Variants in CORIN observed in about 807,000 individuals in gnomAD.
The protein encoded by CORIN is atrial natriuretic peptide-converting enzyme.
Under a neutral mutation model 125.3 loss-of-function variants are expected in CORIN, and 117 were observed. That is an observed-to-expected ratio of 0.93 (90% confidence interval 0.80 to 1.09). The LOEUF is 1.09. Among genes scored for constraint, CORIN ranks in the 50% least tolerant of loss-of-function variants. The probability of loss-of-function intolerance (pLI) is 0.00; values close to 1 mark genes in which losing one functional copy is unlikely to be tolerated. For synonymous variants in CORIN, 450 were observed against 466.4 expected (o/e 0.96, Z 0.45); for missense variants, 1,253 against 1,306.7 (o/e 0.96, Z 0.63).
At chr4:47,702,810 C>A (rs1237720466) in intron 5 of CORIN, among the ~76,000 whole-genome samples, 3 of 152,180 alleles carry the variant, frequency 2.0e-5, no homozygotes, top group Non-Finnish European at 1.5e-5. Context: ...ACCCTAATGT[C>A]TAAAAATTCA....
chr4:47,595,464 G>T lies in CORIN; in HGVS notation c.*257C>A, dbSNP rs946594565. The T allele has an allele frequency of 3.5e-5, 9 of 256,284 alleles. No individual in the cohort carries two copies. The highest frequency in any genetic ancestry group is 5.2e-5 in the Non-Finnish European group (7 of 134,852). The allele number at this position is 256,284 out of a possible 1,614,324, so 15.9% of individuals were successfully genotyped here. A position where few individuals can be genotyped will look rare whatever the true frequency, so the allele number is the denominator to read the frequency against. On this transcript the variant is annotated 3_prime_UTR_variant, in exon 22 of 22. Coordinates refer to ENST00000273857, the MANE Select transcript of CORIN (RefSeq NM_006587.4). ...TAATTTTGTGCTGCAGTCATGGTTA[G>T]GCCTGGCAAAAGGACAAAGTCTGCT... is the stretch of plus-strand genomic sequence containing the variant.
chr4:47,665,269 A>G lies in CORIN; in HGVS notation c.1358-6T>C. ...TGTAATTGGTTCACATTGACCTAAC[A>G]AAGAAACATACACACAAATATTTTT... On this transcript the variant is annotated splice_polypyrimidine_tract_variant and splice_region_variant and intron_variant, in intron 10 of 21. Coordinates refer to ENST00000273857, the MANE Select transcript of CORIN (RefSeq NM_006587.4). The G allele has an allele frequency of 6.3e-7, 1 of 1,581,670 alleles. No individual in the cohort carries two copies. The highest frequency in any genetic ancestry group is 2.2e-5 in the East Asian group (1 of 44,584).
At position 47,691,643 on chromosome 4, in the gene CORIN, T is replaced by C. The variant is rs1256740387; in HGVS notation, c.913+1327A>G. 2.0e-5 allele frequency among the ~76,000 whole-genome samples: 3 copies of C among 152,166 alleles called. No homozygotes were observed. In the East Asian group the frequency reaches 5.8e-4, roughly 29 times the overall value. On this transcript the variant is annotated intron_variant, in intron 6 of 21. Coordinates refer to ENST00000273857, the MANE Select transcript of CORIN (RefSeq NM_006587.4). ...TGAAATAAAAAGTTAGGCAAATGTC[T>C]TTTTTTAAAACTACAGAATTTCTCA...
At chr4:47,759,571 T>C (rs1729352185) in intron 4 of CORIN, among the ~76,000 whole-genome samples, 1 of 152,128 alleles carries the variant, frequency 6.6e-6, no homozygotes, top group African/African-American at 2.4e-5. Context: ...TAGACATTTC[T>C]CAAAAGAAGA....
chr4:47,639,875 T>A (rs1354000374), intron 16 of CORIN, among the ~76,000 whole-genome samples: 1 of 152,178 alleles, frequency 6.6e-6, no homozygotes, highest in Admixed American at 6.5e-5. Context: ...ATAGCCTGGC[T>A]CTCCAGATTT....
At chr4:47,829,537 C>A (rs1172958906) in intron 1 of CORIN, among the ~76,000 whole-genome samples, 2 of 152,190 alleles carry the variant, frequency 1.3e-5, no homozygotes, top group Non-Finnish European at 2.9e-5. Context: ...TTATGGGAAC[C>A]CCTGATTCAT....
chr4:47,745,627 G>C (rs889396546), intron 4 of CORIN, among the ~76,000 whole-genome samples: 2 of 152,202 alleles, frequency 1.3e-5, no homozygotes, highest in Admixed American at 1.3e-4. Flanking sequence ...GGTGTTTCAA[G>C]TTTCAGGACA....
chr4:47,624,014 T>C, intron 17 of CORIN, 66 bp from the exon 18 acceptor site: 2 of 1,375,002 alleles, frequency 1.5e-6, no homozygotes. Context: ...TCAAACACTT[T>C]ACCAGTGAAA....
At chr4:47,781,214 G>C (rs1323497546) in intron 3 of CORIN, among the ~76,000 whole-genome samples, 1 of 152,114 alleles carries the variant, frequency 6.6e-6, no homozygotes, top group Non-Finnish European at 1.5e-5. Flanking sequence ...GACACAAATA[G>C]GTTGTAAGTG....
chr4:47,633,995 C>CA (rs904645122), intron 16 of CORIN, among the ~76,000 whole-genome samples: 2 of 151,526 alleles, frequency 1.3e-5, no homozygotes, highest in South Asian at 2.1e-4. Context: ...ATTCAAAATT[C>CA]AAAAAAAATT....
In CORIN at chr4:47,786,746, C is replaced by T. The variant is rs775288457; in HGVS notation, c.388G>A (p.Asp130Asn). The T allele has an allele frequency of 1.4e-5, 22 of 1,613,916 alleles. No homozygotes were observed. Among genetic ancestry groups the T allele is most frequent in the East Asian group, 4.5e-5 (2 of 44,894 alleles). Residue 130 changes from aspartate (D) to asparagine (N), a missense_variant, in exon 3 of 22, where the codon GAC becomes AAC. Coordinates refer to ENST00000273857, the MANE Select transcript of CORIN (RefSeq NM_006587.4). Reference sequence around the variant, plus strand: ...TTACTTGTATTCCTGTGACTTTGGTCCCCTGGGAGAGAAGCATCCGTAGTC... The same window carrying T: ...TTACTTGTATTCCTGTGACTTTGGTTCCCTGGGAGAGAAGCATCCGTAGTC... ...AWTTDASLPGDQSHRNTSACM... is the reference protein window; with the variant it reads ...AWTTDASLPGNQSHRNTSACM...
At chr4:47,642,803 G>A (rs1723288039) in intron 15 of CORIN, 15 of 1,430,456 alleles carry the variant, frequency 1.0e-5, no homozygotes, top group Non-Finnish European at 1.4e-5. Flanking sequence ...TATTCTAGCA[G>A]GTAGAGGTGA....
At chr4:47,757,184 C>G (rs1474467928) in intron 4 of CORIN, among the ~76,000 whole-genome samples, 1 of 151,844 alleles carries the variant, frequency 6.6e-6, no homozygotes, top group African/African-American at 2.4e-5. Flanking sequence ...TTTTATAATA[C>G]ATTTTACTTC....
intron 9 of CORIN, 138 bp downstream of exon 9, chr4:47,677,800 G>T (rs1359514076): frequency 3.1e-6 from 2 of 640,888 alleles, no homozygotes; most frequent in African/African-American, 1.8e-5. Context: ...GCTGACTAGG[G>T]CTGTGAGGAC....
chr4:47,622,096 G>A (rs35283537), intron 19 of CORIN, among the ~76,000 whole-genome samples: 14,973 of 139,102 alleles, frequency 0.11, 1,134 homozygotes, highest in East Asian at 0.46. Context: ...GAGAATATGC[G>A]GTGTTTGGTT....
chr4:47,632,766 G>GATAGATAGATAT, intron 16 of CORIN, among the ~76,000 whole-genome samples: 1 of 63,408 alleles, frequency 1.6e-5, no homozygotes, highest in South Asian at 4.1e-4. Flanking sequence ...TAGATAGATA[G>GATAGATAGATAT]AGATAGATAG....
chr4:47,772,917 C>T (rs945990019), intron 3 of CORIN, among the ~76,000 whole-genome samples: 3 of 151,878 alleles, frequency 2.0e-5, no homozygotes, highest in Admixed American at 2.0e-4. Context: ...ATAATGTATC[C>T]ATTTATAAAG....
At chr4:47,799,106 G>GGTGTGTGT (rs764434569) in intron 2 of CORIN, among the ~76,000 whole-genome samples, 81 of 141,552 alleles carry the variant, frequency 5.7e-4, no homozygotes, top group South Asian at 1.4e-3. Context: ...TATCCCATGG[G>GGTGTGTGT]GTGTGTGTGT....
At chr4:47,680,502 C>T (rs908491254) in intron 7 of CORIN, 14 of 372,278 alleles carry the variant, frequency 3.8e-5, no homozygotes, top group Non-Finnish European at 9.7e-6. Context: ...CCCCAGGACC[C>T]GTAGTTTGTT....
Sources: allele counts gnomAD v4.1 joint callset (sites outside exome capture counted in the v4.1 genomes callset), GRCh38; gene constraint gnomAD v4.1.1; transcripts MANE v1.5; gene names NCBI Gene and HGNC (gene_info 2026-07-23, HGNC 2026-07-21).